The following CERT1 variants were observed in gnomAD, a reference collection of about 807,000 sequenced individuals.
The protein encoded by CERT1 is ceramide transporter 1, also known as ceramide transfer protein.
A neutral mutation model predicts 87.9 loss-of-function variants in CERT1; 31 were observed. The observed-to-expected ratio is 0.35, with a 90% CI of 0.27 to 0.48. The LOEUF (loss-of-function observed/expected upper bound fraction) is 0.48, where lower values mean the gene tolerates loss of function less well. CERT1 is among the 20% of genes least tolerant of loss of function. The pLI is 0.99. For missense variants in CERT1, 487 were observed against 758.0 expected, an observed-to-expected ratio of 0.64 and a Z score of 4.20; for synonymous variants, 289 against 250.9, an observed-to-expected ratio of 1.15 and a Z score of -1.44.
intron 17 of CERT1, chr5:75,371,398 C>G (rs1761080550): frequency 6.6e-6 from 1 of 152,212 alleles, no homozygotes; most frequent in South Asian, 2.1e-4. Context: ...CACAATTTCA[C>G]AAGAGAACCA....
In CERT1 at chr5:75,381,053, A is replaced by T; in HGVS notation, c.1747+19T>A. On this transcript the variant is annotated intron_variant, in intron 16 of 16. Transcript: ENST00000643780. ...AGAACAGCCACATTATCAAAGAGCA[A>T]AAACAATAAAATACATACCATTAGC... The T allele has an allele frequency of 6.2e-7, 1 of 1,612,490 alleles. No individual in the cohort carries two copies.
chr5:75,503,612 A>G lies in CERT1; in HGVS notation c.231+2370T>C, dbSNP rs137927025. Among the ~76,000 whole-genome samples the G allele has an allele frequency of 1.4e-3, 215 of 151,930 alleles. 1 individual carries two copies. The highest frequency in any genetic ancestry group is 4.3e-3 in the African/African-American group (179 of 41,502). On this transcript the variant is annotated intron_variant, in intron 2 of 16. Transcript: ENST00000643780. ...TGTGTTTTTTCCTATCATCCATTTC[A>G]TTGTATCTAAGACTACCACACAGAT...
At position 75,379,290 on chromosome 5, in the gene CERT1, T is replaced by C. The variant is rs1175758988; in HGVS notation, c.*56A>G. On this transcript the variant is annotated 3_prime_UTR_variant, in exon 17 of 17. Transcript: ENST00000643780. Reference sequence around the variant, plus strand: ...AACTAAATTTTAGTATTGACAGTCATATTAGTCAAATAAAGTTAAAAAAAG... The same window carrying C: ...AACTAAATTTTAGTATTGACAGTCACATTAGTCAAATAAAGTTAAAAAAAG... 7.0e-7 allele frequency: 1 copy of C among 1,427,106 alleles called. No homozygotes were observed. Among genetic ancestry groups the C allele is most frequent in the Admixed American group, 2.0e-5 (1 of 50,632 alleles). The allele number at this position is 1,427,106 out of a possible 1,614,324, so 88.4% of individuals were successfully genotyped here. A position where few individuals can be genotyped will look rare whatever the true frequency, so the allele number is the denominator to read the frequency against.
At position 75,501,976 on chromosome 5, in the gene CERT1, A is replaced by C. The variant is rs532639160; in HGVS notation, c.231+4006T>G. ...CGTAATAAAAGATGTCAATAAGAGTATGTAAAAATCTAAGATTTCTCTAGG... is the reference window on the plus strand; with the variant it reads ...CGTAATAAAAGATGTCAATAAGAGTCTGTAAAAATCTAAGATTTCTCTAGG... On this transcript the variant is annotated intron_variant, in intron 2 of 16. Coordinates refer to ENST00000643780, the MANE Select transcript of CERT1 (RefSeq NM_001379029.1). 2.5e-3 allele frequency among the ~76,000 whole-genome samples: 376 copies of C among 152,296 alleles called. 2 individuals carry two copies. The highest frequency in any genetic ancestry group is 4.5e-3 in the Non-Finnish European group (309 of 67,992).
At chr5:75,421,663 G>C (rs1396301694) in intron 5 of CERT1, among the ~76,000 whole-genome samples, 2 of 152,150 alleles carry the variant, frequency 1.3e-5, no homozygotes, top group Non-Finnish European at 2.9e-5. Context: ...ACCATCAGTT[G>C]AAGTTATAAT....
Position 75,378,335 on chromosome 5 carries a change from G to C in CERT1, c.*1011C>G, listed in dbSNP as rs572306318. The C allele has an allele frequency of 2.0e-5, 3 of 152,324 alleles. No individual in the cohort carries two copies. The highest frequency in any genetic ancestry group is 7.2e-5 in the African/African-American group (3 of 41,554). 9.4% of individuals were successfully genotyped at this position (152,324 alleles called of 1,614,324 possible). ...CTCGGGAGGCTGAGGCAGGAGAATC[G>C]CTTGAACCTGGGAGGCAGAGGTTGC... On this transcript the variant is annotated 3_prime_UTR_variant, in exon 17 of 17. Coordinates refer to ENST00000643780, the MANE Select transcript of CERT1 (RefSeq NM_001379029.1).
Position 75,498,591 on chromosome 5 carries a change from C to T in CERT1, c.231+7391G>A, listed in dbSNP as rs541804568. ...GTCAGCCCCAAGCCTTGGCGGCTTT[C>T]CCACGGTGTTGGGCCAGTGGGTGCA... On this transcript the variant is annotated intron_variant, in intron 2 of 16. Coordinates refer to ENST00000643780, the MANE Select transcript of CERT1 (RefSeq NM_001379029.1). Among the ~76,000 whole-genome samples, 537 of 152,350 alleles carry T rather than the reference C, an allele frequency of 3.5e-3. 1 individual carries two copies. The highest frequency in any genetic ancestry group is 6.8e-3 in the Middle Eastern group (2 of 294).
intron 3 of CERT1, among the ~76,000 whole-genome samples, chr5:75,454,893 C>A (rs140385688): frequency 4.7e-4 from 72 of 152,228 alleles, no homozygotes; most frequent in African/African-American, 1.6e-3. Context: ...ATTTCTTGAT[C>A]GGATTGTGAC....
chr5:75,413,780 C>G (rs1413483435), intron 7 of CERT1, among the ~76,000 whole-genome samples: 1 of 151,950 alleles, frequency 6.6e-6, no homozygotes, highest in Non-Finnish European at 1.5e-5. Context: ...AAAATGCTGT[C>G]AAGAATTAAA....
At chr5:75,432,639 T>A (rs1763920724) in intron 3 of CERT1, among the ~76,000 whole-genome samples, 2 of 152,222 alleles carry the variant, frequency 1.3e-5, no homozygotes, top group Non-Finnish European at 2.9e-5. Context: ...ATACTTTCTC[T>A]CTTTCTGTAT....
At chr5:75,405,549 G>GT (rs1762667432) in intron 8 of CERT1, among the ~76,000 whole-genome samples, 2 of 152,108 alleles carry the variant, frequency 1.3e-5, no homozygotes, top group East Asian at 1.9e-4. Context: ...ATCTCCACAC[G>GT]TATCTGCAGA....
intron 2 of CERT1, chr5:75,505,331 A>G (rs1246392595): frequency 6.5e-6 from 1 of 152,804 alleles, no homozygotes; most frequent in Non-Finnish European, 1.5e-5. Flanking sequence ...GAACAACAAA[A>G]TGTAAACTAA....
chr5:75,391,857 T>G (rs1043781521), intron 11 of CERT1, among the ~76,000 whole-genome samples: 1 of 152,182 alleles, frequency 6.6e-6, no homozygotes, highest in African/African-American at 2.4e-5. Context: ...GTATTTATTA[T>G]GAGATAAGAG....
intron 2 of CERT1, among the ~76,000 whole-genome samples, chr5:75,494,692 T>C (rs1050084530): frequency 6.6e-6 from 1 of 152,016 alleles, no homozygotes; most frequent in Admixed American, 6.6e-5. Flanking sequence ...GATCTAGTTT[T>C]GAGCTTCCCT....
intron 3 of CERT1, among the ~76,000 whole-genome samples, chr5:75,446,490 A>T (rs1202290223): frequency 6.6e-6 from 1 of 152,200 alleles, no homozygotes; most frequent in Non-Finnish European, 1.5e-5. Flanking sequence ...TCAGCCATCA[A>T]GTCTTTTTCA....
intron 3 of CERT1, among the ~76,000 whole-genome samples, chr5:75,445,319 G>A (rs1764492666): frequency 6.6e-6 from 1 of 152,084 alleles, no homozygotes; most frequent in Non-Finnish European, 1.5e-5. Context: ...TCTTCATACA[G>A]CTCAGAGGTA....
chr5:75,462,846 G>T lies in CERT1; in HGVS notation c.232-3665C>A, dbSNP rs562581164. The stretch of plus-strand genomic sequence containing the variant: ...ATCTCTACTAAAAATACAAAAATTA[G>T]CTGGGTGTGGTGGCGCGCGCCTGTA... On this transcript the variant is annotated intron_variant, in intron 2 of 16. Coordinates refer to ENST00000643780, the MANE Select transcript of CERT1 (RefSeq NM_001379029.1). 1.1e-4 allele frequency among the ~76,000 whole-genome samples: 17 copies of T among 151,934 alleles called. No individual in the cohort carries two copies. The East Asian group carries it at 3.1e-3, about 28-fold the overall frequency.
intron 5 of CERT1, among the ~76,000 whole-genome samples, chr5:75,420,546 T>C (rs1454440747): frequency 6.6e-6 from 1 of 152,124 alleles, no homozygotes; most frequent in Admixed American, 6.6e-5. Context: ...GGTTTGACCA[T>C]GTTAGCCAGG....
chr5:75,464,857 C>T (rs1765394496), intron 2 of CERT1, among the ~76,000 whole-genome samples: 3 of 152,194 alleles, frequency 2.0e-5, no homozygotes, highest in Admixed American at 1.3e-4. Flanking sequence ...GGACTAGAGG[C>T]ATGAGCCACC....
Sources: gnomAD v4.1 joint callset for allele counts (sites outside exome capture counted in the v4.1 genomes callset) on GRCh38, gnomAD v4.1.1 for gene constraint, MANE v1.5 for transcripts, NCBI Gene and HGNC (gene_info 2026-07-23, HGNC 2026-07-21) for gene names.